UHRF1: variants seen among roughly 807,000 people sequenced by gnomAD.
UHRF1 encodes ubiquitin like with PHD and ring finger domains 1, also known as E3 ubiquitin-protein ligase UHRF1.
UHRF1 carries 9 observed loss-of-function variants against 96.5 expected under a neutral mutation model. The ratio of observed to expected loss-of-function variants is 0.09; its 90% CI spans 0.06 to 0.16. The LOEUF is 0.16. UHRF1 is among the 10% of genes least tolerant of loss of function. UHRF1 has a pLI of 1.00. For missense variants in UHRF1, 626 were observed against 1,131.1 expected (o/e 0.55, Z 6.40); for synonymous variants, 455 against 469.9 (o/e 0.97, Z 0.41).
Position 4,954,719 on chromosome 19 carries a change from T to C in UHRF1, c.2027T>C (p.Leu676Pro). 9 of 1,613,692 alleles carry C rather than the reference T, an allele frequency of 5.6e-6. No individual in the cohort carries two copies. Among genetic ancestry groups the C allele is most frequent in the Non-Finnish European group, 7.6e-6 (9 of 1,179,800 alleles). The stretch of plus-strand genomic sequence containing the variant: ...AAAACCAAGGTGGAGCCCTACAGTC[T>C]CACGGCCCAGCAGAGCAGCCTCATC... ...SKKTKVEPYS[L>P]TAQQSSLIRE... The change falls in exon 15 of 17, where the codon CTC (leucine) becomes CCC (proline). Residue 676 changes from leucine to proline, a missense_variant. This residue lies in a region of UHRF1 where 90 missense variants were observed against 94.7 expected (regional missense o/e 0.95). Coordinates refer to ENST00000650932, the MANE Select transcript of UHRF1 (RefSeq NM_001048201.3). The surrounding 1 kb of genome is among the most constrained non-coding windows in gnomAD (Gnocchi z 5.9).
At chr19:4,937,372 A>AT (rs2033249084) in intron 5 of UHRF1, among the ~76,000 whole-genome samples, 1 of 81,852 alleles carries the variant, frequency 1.2e-5, no homozygotes, top group Non-Finnish European at 2.5e-5. Context: ...AGATTTGTTT[A>AT]TTTTTTTGAG....
intron 5 of UHRF1, among the ~76,000 whole-genome samples, chr19:4,933,193 G>A (rs1217871506): frequency 6.6e-6 from 1 of 152,142 alleles, no homozygotes; most frequent in African/African-American, 2.4e-5. Context: ...TGACCCCCAG[G>A]CCCTGACAGG....
chr19:4,943,172 G>A (rs896270155), intron 7 of UHRF1, among the ~76,000 whole-genome samples: 2 of 151,344 alleles, frequency 1.3e-5, no homozygotes, highest in African/African-American at 2.4e-5. Context: ...CCTGGGAGGC[G>A]GAGGTTGCCG....
chr19:4,943,898 G>A (rs1330617759), intron 7 of UHRF1, among the ~76,000 whole-genome samples: 4 of 152,258 alleles, frequency 2.6e-5, no homozygotes, highest in South Asian at 2.1e-4. Context: ...TGATCTGCCC[G>A]CCTCGGCCTC....
chr19:4,919,719 T>G (rs2032640732), intron 2 of UHRF1, among the ~76,000 whole-genome samples: 1 of 152,162 alleles, frequency 6.6e-6, no homozygotes, highest in Non-Finnish European at 1.5e-5. Flanking sequence ...TGAGGTGGTG[T>G]CATTTAATAG....
chr19:4,921,151 G>T (rs980027582), intron 2 of UHRF1, among the ~76,000 whole-genome samples: 1 of 149,304 alleles, frequency 6.7e-6, no homozygotes, highest in African/African-American at 2.5e-5. Context: ...AAGAAAATCG[G>T]CCAGGATGCC....
At chr19:4,906,399 T>A (rs772311195), upstream of UHRF1, among the ~76,000 whole-genome samples, 33 of 152,180 alleles carry the variant, frequency 2.2e-4, no homozygotes, top group Non-Finnish European at 3.8e-4. Flanking sequence ...ACCTCCTCTG[T>A]GACACTTAAC....
At chr19:4,914,715 A>G (rs1157920390) in intron 2 of UHRF1, among the ~76,000 whole-genome samples, 1 of 149,294 alleles carries the variant, frequency 6.7e-6, no homozygotes, top group Admixed American at 6.7e-5. Context: ...CGGCACCTTT[A>G]ACCTGCTCGG....
At chr19:4,945,815 G>C in intron 9 of UHRF1, 46 bp from the exon 10 acceptor site, 1 of 1,495,562 alleles carries the variant, frequency 6.7e-7, no homozygotes. Flanking sequence ...CTTCTCTGCA[G>C]CAGTCATTGC....
rs970160806 is a variant in UHRF1 at position 4,960,845 on chromosome 19, C to T, written c.*42C>T. On this transcript the variant is annotated 3_prime_UTR_variant, in exon 17 of 17. Coordinates refer to ENST00000650932, the MANE Select transcript of UHRF1 (RefSeq NM_001048201.3). Reference sequence around the variant, plus strand: ...GACAGGCGTTTTGCTGAAAACGTGTCGGAGGGCTCGTTCATCGGCACTGAT... The same window carrying T: ...GACAGGCGTTTTGCTGAAAACGTGTTGGAGGGCTCGTTCATCGGCACTGAT... 7 of 1,154,600 alleles carry T rather than the reference C, an allele frequency of 6.1e-6. No homozygotes were observed. Among genetic ancestry groups the T allele is most frequent in the African/African-American group, 4.8e-5 (3 of 62,796 alleles). The allele number at this position is 1,154,600 out of a possible 1,614,324, so 71.5% of individuals were successfully genotyped here.
At chr19:4,934,256 A>T (rs1253134540) in intron 5 of UHRF1, among the ~76,000 whole-genome samples, 1 of 150,934 alleles carries the variant, frequency 6.6e-6, no homozygotes, top group Admixed American at 6.6e-5. Context: ...CTGGTCTCGA[A>T]CTCCTGACCT....
In UHRF1 at chr19:4,944,261, G is replaced by T. The variant is rs200692892; in HGVS notation, c.1197+6G>T. ...CACAGCGGGACTGGGGCAAGGTGAGGCGGGTCCTTCCCACGTGCCCGTGGC... is the reference window on the plus strand; with the variant it reads ...CACAGCGGGACTGGGGCAAGGTGAGTCGGGTCCTTCCCACGTGCCCGTGGC... On this transcript the variant is annotated splice_donor_region_variant and intron_variant, in intron 8 of 16. Transcript: ENST00000650932. 6.2e-7 allele frequency: 1 copy of T among 1,614,014 alleles called. No individual in the cohort carries two copies. The highest frequency in any genetic ancestry group is 1.3e-5 in the African/African-American group (1 of 75,078).
intron 2 of UHRF1, among the ~76,000 whole-genome samples, chr19:4,921,862 AC>A (rs2032714334): frequency 6.6e-6 from 1 of 152,206 alleles, no homozygotes; most frequent in Non-Finnish European, 1.5e-5. Context: ...AAGAGAGAAA[AC>A]ACATTCTTCT....
In UHRF1 at chr19:4,957,297, G is replaced by GTTTTT. The variant is rs59654364; in HGVS notation, c.2235+507_2235+511dup. On this transcript the variant is annotated intron_variant, in intron 16 of 16. Coordinates refer to ENST00000650932, the MANE Select transcript of UHRF1 (RefSeq NM_001048201.3). ...GAGGGACACAAGATCCCAGCTGATG[G>GTTTTT]TTTTTTTTTTTTTTTTTTTTTTTTT... Among the ~76,000 whole-genome samples the GTTTTT allele has an allele frequency of 1.3e-3, 68 of 51,100 alleles. 1 individual carries two copies. The highest frequency in any genetic ancestry group is 4.7e-3 in the African/African-American group (61 of 12,926). The allele number at this position is 51,100 out of a possible 152,430, so 33.5% of individuals were successfully genotyped here. A position where few individuals can be genotyped will look rare whatever the true frequency, so the allele number is the denominator to read the frequency against.
chr19:4,947,256 C>A, intron 11 of UHRF1, 45 bp downstream of exon 11: 1 of 1,560,722 alleles, frequency 6.4e-7, no homozygotes, highest in Non-Finnish European at 8.8e-7. Context: ...TGCATATCTG[C>A]CGAGTCTTGG....
intron 13 of UHRF1, among the ~76,000 whole-genome samples, chr19:4,953,034 A>G (rs561821313): frequency 1.3e-5 from 2 of 152,232 alleles, no homozygotes; most frequent in Non-Finnish European, 2.9e-5. Flanking sequence ...GGAAATCGTA[A>G]AGACAACGAG....
intron 5 of UHRF1, among the ~76,000 whole-genome samples, chr19:4,934,002 A>ATGTGTG (rs1481287269): frequency 2.9e-5 from 4 of 138,438 alleles, no homozygotes; most frequent in African/African-American, 1.3e-4. Flanking sequence ...TGTGTGATAA[A>ATGTGTG]ATGTATGTAA....
chr19:4,916,627 C>T (rs887462281), intron 2 of UHRF1, among the ~76,000 whole-genome samples: 7 of 152,276 alleles, frequency 4.6e-5, no homozygotes, highest in East Asian at 1.9e-4. Context: ...GATGCCCTCG[C>T]GGCGCCGTCC....
chr19:4,915,960 T>C (rs2032481905), intron 2 of UHRF1, among the ~76,000 whole-genome samples: 1 of 152,082 alleles, frequency 6.6e-6, no homozygotes, highest in Non-Finnish European at 1.5e-5. Context: ...TCCAGAATGA[T>C]CCAATAGCCC....
Sources: allele counts gnomAD v4.1 joint callset (sites outside exome capture counted in the v4.1 genomes callset), GRCh38; gene constraint gnomAD v4.1.1; regional missense constraint gnomAD v4.1.1; non-coding constraint Gnocchi (gnomAD v3.1); transcripts MANE v1.5; gene names NCBI Gene and HGNC (gene_info 2026-07-23, HGNC 2026-07-21).